The following PNLDC1 variants were observed in gnomAD, a reference collection of about 807,000 sequenced individuals.
PNLDC1 encodes poly(A)-specific ribonuclease PNLDC1.
Under a neutral mutation model 82.0 loss-of-function variants are expected in PNLDC1, and 70 were observed. That is an observed-to-expected ratio of 0.85 (90% CI 0.70 to 1.04). PNLDC1 has a LOEUF of 1.04. PNLDC1 is among the 50% of genes least tolerant of loss of function. PNLDC1 has a pLI of 0.00. For missense variants in PNLDC1, 631 were observed against 661.1 expected, an observed-to-expected ratio of 0.95 and a Z score of 0.50; for synonymous variants, 280 against 249.3, an observed-to-expected ratio of 1.12 and a Z score of -1.16.
intron 2 of PNLDC1, 135 bp from the exon 3 acceptor site, chr6:159,800,978 A>G: frequency 6.9e-7 from 1 of 1,439,476 alleles, no homozygotes; most frequent in East Asian, 2.3e-5. Flanking sequence ...TGTCCACTAA[A>G]TGATGGTAGT....
intron 15 of PNLDC1, 137 bp downstream of exon 15, chr6:159,817,288 C>T (rs1473038580): frequency 1.2e-6 from 1 of 851,462 alleles, no homozygotes; most frequent in Non-Finnish European, 1.9e-6. Context: ...GTATAGAAAT[C>T]TTGTCCCTGA....
intron 7 of PNLDC1, among the ~76,000 whole-genome samples, chr6:159,808,093 T>C (rs1781512721): frequency 1.3e-5 from 2 of 152,142 alleles, no homozygotes; most frequent in Non-Finnish European, 2.9e-5. Flanking sequence ...TCTGTATTTT[T>C]AGTAGAGTCA....
Position 159,815,963 on chromosome 6 carries a change from C to T in PNLDC1, c.996-6C>T, listed in dbSNP as rs753891054. The T allele has an allele frequency of 1.2e-6, 2 of 1,610,916 alleles. No individual in the cohort carries two copies. Among genetic ancestry groups the T allele is most frequent in the African/African-American group, 1.3e-5 (1 of 74,772 alleles). On this transcript the variant is annotated splice_region_variant and splice_polypyrimidine_tract_variant and intron_variant, in intron 12 of 18. Transcript: ENST00000392167. The stretch of plus-strand genomic sequence containing the variant: ...TGTTTTTTATTCTATTTTTCTTTTC[C>T]AATAGTGACTTGAATCCCACCAAGA...
rs1781240367 is a variant in PNLDC1, at chr6:159,801,192, T to A, written c.208+6T>A. On this transcript the variant is annotated splice_donor_region_variant and intron_variant, in intron 3 of 18. Coordinates refer to ENST00000392167, the MANE Select transcript of PNLDC1 (RefSeq NM_001271862.2). ...ATTTACAGTCTGTCAGATTGGTGAG[T>A]TTAATATCAGCTGTTAGAGTTTTTC... is the stretch of plus-strand genomic sequence containing the variant. 2 of 1,611,802 alleles carry A rather than the reference T, an allele frequency of 1.2e-6. No homozygotes were observed. Among genetic ancestry groups the A allele is most frequent in the Admixed American group, 3.3e-5 (2 of 59,992 alleles).
chr6:159,816,052 A>C lies in PNLDC1; in HGVS notation c.1060+19A>C. 8.9e-6 allele frequency: 14 copies of C among 1,568,262 alleles called. No individual in the cohort carries two copies. Among genetic ancestry groups the C allele is most frequent in the Non-Finnish European group, 1.2e-5 (14 of 1,156,504 alleles). On this transcript the variant is annotated intron_variant, in intron 13 of 18. Coordinates refer to ENST00000392167, the MANE Select transcript of PNLDC1 (RefSeq NM_001271862.2). ...AAATATGGTACGTTCCCATGAGCCC[A>C]TAATCCTTGCACAGTCGGCAGAGTG... is the stretch of plus-strand genomic sequence containing the variant.
At chr6:159,805,212 TG>T (rs1274022260) in intron 6 of PNLDC1, among the ~76,000 whole-genome samples, 6 of 152,200 alleles carry the variant, frequency 3.9e-5, no homozygotes, top group Non-Finnish European at 5.9e-5. Context: ...CCTGTAGAGC[TG>T]GGGTCAGGAG....
Position 159,800,299 on chromosome 6 carries a change from T to A in PNLDC1, c.-9T>A, listed in dbSNP as rs752641415. The A allele has an allele frequency of 1.7e-5, 26 of 1,545,308 alleles. No individual in the cohort carries two copies. Among genetic ancestry groups the A allele is most frequent in the Admixed American group, 3.9e-5 (2 of 50,890 alleles). On this transcript the variant is annotated 5_prime_UTR_variant, in exon 1 of 19. Coordinates refer to ENST00000392167, the MANE Select transcript of PNLDC1 (RefSeq NM_001271862.2). ...ATAGCGCTGGGCGACTCCGCGGAGC[T>A]GCACGGCCATGGACGTGGGCGCCGA...
At chr6:159,812,972 C>T (rs932441626) in intron 11 of PNLDC1, among the ~76,000 whole-genome samples, 5 of 152,132 alleles carry the variant, frequency 3.3e-5, no homozygotes, top group East Asian at 1.9e-4. Context: ...TGCAGTGAGC[C>T]GAGATTGCAC....
chr6:159,803,680 C>A lies in PNLDC1; in HGVS notation c.249-285C>A, dbSNP rs143075738. Among the ~76,000 whole-genome samples, 905 of 152,196 alleles carry A rather than the reference C, an allele frequency of 5.9e-3. 9 individuals are homozygous for A. The highest frequency in any genetic ancestry group is 0.021 in the African/African-American group (876 of 41,530). On this transcript the variant is annotated intron_variant, in intron 4 of 18. Coordinates refer to ENST00000392167, the MANE Select transcript of PNLDC1 (RefSeq NM_001271862.2). ...CCCAACTATCAGGATGCCTCCCCAC[C>A]CCCCATGAGCAGTTGAGGGTGCCAG...
intron 11 of PNLDC1, among the ~76,000 whole-genome samples, chr6:159,812,727 C>T (rs1424411146): frequency 1.3e-5 from 2 of 152,074 alleles, no homozygotes; most frequent in East Asian, 1.9e-4. Flanking sequence ...TGCTTAGAAA[C>T]GAAGCTGAGA....
At chr6:159,816,370 G>A (rs926136799) in intron 13 of PNLDC1, among the ~76,000 whole-genome samples, 173 bp from the exon 14 acceptor site, 1 of 151,094 alleles carries the variant, frequency 6.6e-6, no homozygotes, top group African/African-American at 2.4e-5. Context: ...CTGATCTTGG[G>A]GCTTTCTCCA....
Position 159,800,376 on chromosome 6 carries a change from C to T in PNLDC1, c.69C>T (p.Asp23=), listed in dbSNP as rs1781195011. Residue 23 remains aspartate (D), a synonymous_variant, in exon 1 of 19, where the codon GAC becomes GAT. Transcript: ENST00000392167. ...PLLQELVQEA[D]FVGLDIEFTG... is the part of the protein sequence containing the mutation. ...TGCAGGAGCTCGTCCAGGAGGCCGA[C>T]TTCGTGGGTGAAGAGCCTGGGATTC... is the stretch of plus-strand genomic sequence containing the variant. 2 of 1,547,906 alleles carry T rather than the reference C, an allele frequency of 1.3e-6. No homozygotes were observed. The highest frequency in any genetic ancestry group is 2.7e-5 in the African/African-American group (2 of 72,992).
chr6:159,818,121 T>C (rs1464647378), intron 15 of PNLDC1, among the ~76,000 whole-genome samples: 1 of 152,212 alleles, frequency 6.6e-6, no homozygotes, highest in Non-Finnish European at 1.5e-5. Flanking sequence ...GCCGGGGCCC[T>C]GCGCTCAGGT....
In PNLDC1 at chr6:159,811,872, G is replaced by GTTTTTTTAT. The variant is rs375968666; in HGVS notation, c.939+93_939+94insATTTTTTTT. 4 of 998,910 alleles carry GTTTTTTTAT rather than the reference G, an allele frequency of 4.0e-6. No homozygotes were observed. In the African/African-American group the frequency reaches 8.4e-5, roughly 21 times the overall value. The allele number at this position is 998,910 out of a possible 1,614,324, so 61.9% of individuals were successfully genotyped here. On this transcript the variant is annotated intron_variant, in intron 11 of 18. Coordinates refer to ENST00000392167, the MANE Select transcript of PNLDC1 (RefSeq NM_001271862.2). ...TTCTCTTGTGGGGTTTTTTTCTTGTGTTTTTTTGTTTTTTTTGTTTTGTTT... is the reference window on the plus strand; with the variant it reads ...TTCTCTTGTGGGGTTTTTTTCTTGTGTTTTTTTATTTTTTTTGTTTTTTTTGTTTTGTTT...
At chr6:159,803,750 CTG>C (rs1419548251) in intron 4 of PNLDC1, among the ~76,000 whole-genome samples, 27 of 152,292 alleles carry the variant, frequency 1.8e-4, no homozygotes, top group African/African-American at 5.8e-4. Context: ...TGTGGAGGGG[CTG>C]TCTCTGTGGT....
intron 11 of PNLDC1, among the ~76,000 whole-genome samples, chr6:159,812,009 C>T (rs1451144103): frequency 6.6e-6 from 1 of 152,102 alleles, no homozygotes; most frequent in East Asian, 1.9e-4. Context: ...AAGCGATTCT[C>T]CTGCCTCAGC....
chr6:159,800,248 C>A, upstream of PNLDC1: 1 of 783,074 alleles, frequency 1.3e-6, no homozygotes, highest in African/African-American at 5.8e-5. Context: ...GACGGAAGCG[C>A]GTGGGCAGCA....
Position 159,811,904 on chromosome 6 carries a change from G to GTT in PNLDC1, c.939+121_939+122dup, listed in dbSNP as rs1431716066. ...TGTTTTTTTTGTTTTGTTTTGTTTT[G>GTT]TTTTGTTTTGTTTGAGAGGGAGTCT... On this transcript the variant is annotated intron_variant, in intron 11 of 18. Coordinates refer to ENST00000392167, the MANE Select transcript of PNLDC1 (RefSeq NM_001271862.2). 6.3e-6 allele frequency: 5 copies of GTT among 791,690 alleles called. No individual in the cohort carries two copies. The African/African-American group carries it at 8.9e-5, about 14-fold the overall frequency. The allele number at this position is 791,690 out of a possible 1,614,324, so 49.0% of individuals were successfully genotyped here. A position where few individuals can be genotyped will look rare whatever the true frequency, so the allele number is the denominator to read the frequency against.
chr6:159,806,787 AAAAT>A (rs376599656), intron 7 of PNLDC1, among the ~76,000 whole-genome samples: 7 of 152,340 alleles, frequency 4.6e-5, no homozygotes, highest in African/African-American at 1.4e-4. Flanking sequence ...AGGTATGTAA[AAAAT>A]AAGTATGCAT....
Sources: allele counts gnomAD v4.1 joint callset (sites outside exome capture counted in the v4.1 genomes callset), GRCh38; gene constraint gnomAD v4.1.1; transcripts MANE v1.5; gene names NCBI Gene and HGNC (gene_info 2026-07-23, HGNC 2026-07-21).